The following PCDHGA1 variants were observed in gnomAD, a reference collection of about 807,000 sequenced individuals.
PCDHGA1 encodes the protein protocadherin gamma subfamily A, 1.
PCDHGA1 carries 32 observed loss-of-function variants against 58.0 expected under a neutral mutation model. That is an observed-to-expected ratio of 0.55 (90% CI 0.42 to 0.74). The LOEUF (loss-of-function observed/expected upper bound fraction) is 0.74, where lower values mean the gene tolerates loss of function less well. Among genes scored for constraint, PCDHGA1 ranks in the 30% least tolerant of loss-of-function variants. The probability of loss-of-function intolerance (pLI) is 0.00; values close to 1 mark genes in which losing one functional copy is unlikely to be tolerated. For missense variants in PCDHGA1, 1,205 were observed against 1,182.3 expected, an observed-to-expected ratio of 1.02 and a Z score of -0.28; for synonymous variants, 498 against 501.1, an observed-to-expected ratio of 0.99 and a Z score of 0.08.
At chr5:141,466,077 A>G (rs1220036084) in intron 1 of PCDHGA1, among the ~76,000 whole-genome samples, 2 of 152,108 alleles carry the variant, frequency 1.3e-5, no homozygotes, top group Non-Finnish European at 2.9e-5. Context: ...AGCTGATATC[A>G]TGCCACTGCA....
chr5:141,339,127 G>C, intron 1 of PCDHGA1: 1 of 1,614,214 alleles, frequency 6.2e-7, no homozygotes, highest in Non-Finnish European at 8.5e-7. Flanking sequence ...CCAAGGACTT[G>C]GGTTTGGAGC....
At chr5:141,393,299 G>T (rs768038476) in intron 1 of PCDHGA1, 8 of 1,613,780 alleles carry the variant, frequency 5.0e-6, no homozygotes, top group Middle Eastern at 1.6e-4. Context: ...ACCCGGATGT[G>T]GGCGTGAACT....
At chr5:141,430,021 T>C (rs2097257368) in intron 1 of PCDHGA1, among the ~76,000 whole-genome samples, 1 of 152,226 alleles carries the variant, frequency 6.6e-6, no homozygotes, top group Admixed American at 6.5e-5. Context: ...TGGGTTCTTG[T>C]TAAGTGTGAT....
chr5:141,454,489 C>T (rs1450435753), intron 1 of PCDHGA1, among the ~76,000 whole-genome samples: 1 of 152,222 alleles, frequency 6.6e-6, no homozygotes, highest in African/African-American at 2.4e-5. Flanking sequence ...TCACCGCAAC[C>T]TCCACCTCCT....
In PCDHGA1 at chr5:141,408,711, A is replaced by T. The variant is rs763392682; in HGVS notation, c.2421+75606A>T. The T allele has an allele frequency of 9.3e-6, 15 of 1,612,568 alleles. No homozygotes were observed. In the East Asian group the frequency reaches 3.3e-4, roughly 36 times the overall value. On this transcript the variant is annotated intron_variant, in intron 1 of 3. Transcript: ENST00000517417. The stretch of plus-strand genomic sequence containing the variant: ...ATAAACATAAACTCAATTAAAGATT[A>T]TAAGATAAACTCTAATCCTTATTTT...
intron 1 of PCDHGA1, chr5:141,340,166 G>A: frequency 1.2e-6 from 2 of 1,614,196 alleles, no homozygotes; most frequent in Non-Finnish European, 1.7e-6. Context: ...AAAGTCAGTA[G>A]ACAATTACTA....
Position 141,330,747 on chromosome 5 carries a change from G to A in PCDHGA1, c.63G>A (p.Glu21=). The A allele has an allele frequency of 6.2e-7, 1 of 1,614,150 alleles. No individual in the cohort carries two copies. The highest frequency in any genetic ancestry group is 8.5e-7 in the Non-Finnish European group (1 of 1,179,966). ...SRLMLLCLSL[E]LLLEAGAGNI... ...TGATGCTTCTGTGTCTTTCTCTGGA[G>A]CTGCTGTTGGAAGCTGGGGCTGGGA... Residue 21 remains glutamate, a synonymous_variant, in exon 1 of 4, where the codon GAG becomes GAA. Transcript: ENST00000517417.
At chr5:141,388,606 T>G in intron 1 of PCDHGA1, 1 of 1,613,906 alleles carries the variant, frequency 6.2e-7, no homozygotes, top group South Asian at 1.1e-5. Context: ...AATGCTCCAG[T>G]GTTCAGTCAA....
intron 1 of PCDHGA1, among the ~76,000 whole-genome samples, chr5:141,347,659 C>T (rs150357114): frequency 2.0e-4 from 31 of 151,854 alleles, no homozygotes; most frequent in East Asian, 1.6e-3. Flanking sequence ...TGGTGGTGGG[C>T]GCCTGTAATC....
intron 1 of PCDHGA1, chr5:141,361,485 A>G (rs1762045132): frequency 1.9e-6 from 3 of 1,614,034 alleles, no homozygotes; most frequent in Non-Finnish European, 2.5e-6. Flanking sequence ...ATAATGCCCC[A>G]GTTTTCCAAC....
chr5:141,433,837 C>CAAAAAAAAAAAAAAA (rs56191208), intron 1 of PCDHGA1, among the ~76,000 whole-genome samples: 1 of 111,692 alleles, frequency 9.0e-6, no homozygotes. Flanking sequence ...AACTCTATCT[C>CAAAAAAAAAAAAAAA]AAAAAAAAAA....
chr5:141,437,892 C>A (rs2097916583), intron 1 of PCDHGA1, among the ~76,000 whole-genome samples: 2 of 152,116 alleles, frequency 1.3e-5, no homozygotes, highest in Admixed American at 1.3e-4. Context: ...CACACGCCAC[C>A]ACACCCAGCT....
chr5:141,397,047 G>A (rs180929307), intron 1 of PCDHGA1, among the ~76,000 whole-genome samples: 130 of 152,158 alleles, frequency 8.5e-4, no homozygotes, highest in African/African-American at 2.9e-3. Context: ...TTATGTAAAT[G>A]AACTTATGAG....
Position 141,341,150 on chromosome 5 carries a change from G to C in PCDHGA1, c.2421+8045G>C, listed in dbSNP as rs770135512. On this transcript the variant is annotated intron_variant, in intron 1 of 3. Transcript: ENST00000517417. ...CTGGCACAAGTCACGCCTGCTGCAG[G>C]CTTCAGGAGGCAGCTTGACAGGCAT... The C allele has an allele frequency of 1.0e-4, 165 of 1,614,240 alleles. 1 individual carries two copies. In the Middle Eastern group the frequency reaches 1.2e-3, roughly 11 times the overall value.
At chr5:141,461,819 A>T (rs573339238) in intron 1 of PCDHGA1, among the ~76,000 whole-genome samples, 68 of 149,282 alleles carry the variant, frequency 4.6e-4, no homozygotes, top group Non-Finnish European at 9.5e-4. Flanking sequence ...ACACCCAGCT[A>T]ATTTTTTTTT....
chr5:141,463,266 T>G (rs933899476), intron 1 of PCDHGA1, among the ~76,000 whole-genome samples: 16 of 151,982 alleles, frequency 1.1e-4, no homozygotes, highest in African/African-American at 3.6e-4. Context: ...CTCTATCCCA[T>G]AAATTCTGGC....
At chr5:141,383,927 A>C in intron 1 of PCDHGA1, 1 of 1,613,800 alleles carries the variant, frequency 6.2e-7, no homozygotes, top group Non-Finnish European at 8.5e-7. Context: ...GTAAATGATA[A>C]TGCTCCAGAA....
At chr5:141,366,221 G>T (rs774963460) in intron 1 of PCDHGA1, 4 of 1,613,716 alleles carry the variant, frequency 2.5e-6, no homozygotes, top group African/African-American at 2.7e-5. Context: ...CACAGCGCGA[G>T]CCCTGCTGGA....
At chr5:141,384,435 A>G in intron 1 of PCDHGA1, 1 of 1,614,008 alleles carries the variant, frequency 6.2e-7, no homozygotes, top group Non-Finnish European at 8.5e-7. Context: ...CTGACACTGG[A>G]GTCCTGTACG....
Sources: gnomAD v4.1 joint callset for allele counts (sites outside exome capture counted in the v4.1 genomes callset) on GRCh38, gnomAD v4.1.1 for gene constraint, MANE v1.5 for transcripts, NCBI Gene and HGNC (gene_info 2026-07-23, HGNC 2026-07-21) for gene names.